Variants in FAF1 observed in about 807,000 individuals in gnomAD.
The protein encoded by FAF1 is Fas associated factor 1.
FAF1 carries 25 observed loss-of-function variants against 92.5 expected under a neutral mutation model. The observed-to-expected ratio is 0.27, with a 90% CI of 0.20 to 0.38. The LOEUF is 0.38. Ranked by LOEUF, FAF1 falls within the 10% of genes least tolerant of loss-of-function variation. The probability of loss-of-function intolerance (pLI) is 1.00; values close to 1 mark genes in which losing one functional copy is unlikely to be tolerated. For synonymous variants in FAF1, 234 were observed against 273.2 expected, an observed-to-expected ratio of 0.86 and a Z score of 1.42; for missense variants, 636 against 793.3, an observed-to-expected ratio of 0.80 and a Z score of 2.38.
chr1:50,446,771 A>G (rs2148976103), intron 18 of FAF1, among the ~76,000 whole-genome samples: 1 of 152,288 alleles, frequency 6.6e-6, no homozygotes, highest in East Asian at 1.9e-4. Context: ...TCACTTTTAG[A>G]AAAAATGCTA....
intron 1 of FAF1, among the ~76,000 whole-genome samples, chr1:50,908,962 C>A (rs553169519): frequency 6.6e-6 from 1 of 152,280 alleles, no homozygotes; most frequent in Admixed American, 6.5e-5. Context: ...GCAGTTTCTT[C>A]CTAGCATCGA....
chr1:50,442,845 A>G (rs981857659), intron 18 of FAF1, among the ~76,000 whole-genome samples: 1 of 152,198 alleles, frequency 6.6e-6, no homozygotes, highest in East Asian at 1.9e-4. Context: ...GGGTCTTTAA[A>G]AAGACACATC....
chr1:50,952,250 GGC>G (rs1196053224), intron 1 of FAF1, among the ~76,000 whole-genome samples: 9 of 152,206 alleles, frequency 5.9e-5, no homozygotes, highest in Non-Finnish European at 1.2e-4. Context: ...TGGGATTGCA[GGC>G]GCGCGCCGCC....
At chr1:50,699,342 T>A (rs1657369044) in intron 7 of FAF1, among the ~76,000 whole-genome samples, 1 of 152,076 alleles carries the variant, frequency 6.6e-6, no homozygotes, top group African/African-American at 2.4e-5. Flanking sequence ...TTGTACAAAC[T>A]GGACAGGTTT....
At chr1:50,762,922 A>T (rs1660388423) in intron 4 of FAF1, among the ~76,000 whole-genome samples, 1 of 152,156 alleles carries the variant, frequency 6.6e-6, no homozygotes, top group African/African-American at 2.4e-5. Context: ...ATGGGAGAAA[A>T]TTTTCACAAC....
chr1:50,488,721 T>G (rs577546945), intron 17 of FAF1, among the ~76,000 whole-genome samples: 2 of 152,352 alleles, frequency 1.3e-5, no homozygotes, highest in South Asian at 4.1e-4. Context: ...GCTGTTCTCA[T>G]TTTTGTATGT....
chr1:50,617,362 G>A (rs1050245976), intron 8 of FAF1, among the ~76,000 whole-genome samples: 7 of 152,176 alleles, frequency 4.6e-5, no homozygotes, highest in Non-Finnish European at 1.0e-4. Flanking sequence ...AAGAAGTGAT[G>A]TTCAGATTTT....
At chr1:50,500,331 A>G (rs1646968992) in intron 15 of FAF1, among the ~76,000 whole-genome samples, 1 of 152,218 alleles carries the variant, frequency 6.6e-6, no homozygotes, top group Admixed American at 6.5e-5. Flanking sequence ...AAATGGAAAA[A>G]AAATAAAGTC....
chr1:50,530,509 G>C (rs1293306551), intron 15 of FAF1, among the ~76,000 whole-genome samples: 1 of 151,304 alleles, frequency 6.6e-6, no homozygotes, highest in Non-Finnish European at 1.5e-5. Flanking sequence ...GTGGTGGGGG[G>C]AGGTGGGGAT....
Position 50,755,530 on chromosome 1 carries a change from G to A in FAF1, c.368-10755C>T, listed in dbSNP as rs572048757. Among the ~76,000 whole-genome samples, 352 of 152,286 alleles carry A rather than the reference G, an allele frequency of 2.3e-3. 2 individuals are homozygous for A. The highest frequency in any genetic ancestry group is 7.7e-3 in the African/African-American group (320 of 41,574). On this transcript the variant is annotated intron_variant, in intron 4 of 18. Coordinates refer to ENST00000396153, the MANE Select transcript of FAF1 (RefSeq NM_007051.3). Reference sequence around the variant, plus strand: ...TCCAGGTTCACGGTGCAAGCTGTCCGTGGATCTACCATTCTGGGGTCTGGA... The same window carrying A: ...TCCAGGTTCACGGTGCAAGCTGTCCATGGATCTACCATTCTGGGGTCTGGA...
chr1:50,888,284 G>T (rs12093266), intron 1 of FAF1, among the ~76,000 whole-genome samples: 1 of 152,132 alleles, frequency 6.6e-6, no homozygotes, highest in Non-Finnish European at 1.5e-5. Context: ...GGGCTGAGAC[G>T]ATGGGGTTTT....
intron 7 of FAF1, among the ~76,000 whole-genome samples, chr1:50,702,123 A>G (rs1329626009): frequency 6.6e-6 from 1 of 152,106 alleles, no homozygotes; most frequent in Non-Finnish European, 1.5e-5. Flanking sequence ...AGTAAGGCCG[A>G]TAACAAAGAA....
chr1:50,746,276 ATATATATATATATATATTTTTTTTTTTT>A (rs1485176441), intron 4 of FAF1, among the ~76,000 whole-genome samples: 1 of 20,480 alleles, frequency 4.9e-5, no homozygotes. Context: ...ATATATATAT[ATATATATATATATATATTTTTTTTTTTT>A]TTTTTTTTTT....
chr1:50,891,242 A>C (rs1221240166), intron 1 of FAF1, among the ~76,000 whole-genome samples: 1 of 152,000 alleles, frequency 6.6e-6, no homozygotes, highest in African/African-American at 2.4e-5. Flanking sequence ...TACATTGGTT[A>C]TTCTAGTTAG....
At position 50,632,855 on chromosome 1, in the gene FAF1, ACCT is replaced by A. The variant is rs1399105003; in HGVS notation, c.744+22584_744+22586del. 2.0e-5 allele frequency among the ~76,000 whole-genome samples: 3 copies of A among 151,846 alleles called. No homozygotes were observed. In the East Asian group the frequency reaches 5.8e-4, roughly 29 times the overall value. On this transcript the variant is annotated intron_variant, in intron 8 of 18. Transcript: ENST00000396153. ...TAGGTGAAAGTATTGGCTTCTTATG[ACCT>A]CCTCTATGATCTTTCCAGGTAAAAT...
At chr1:50,926,366 T>C (rs1019562828) in intron 1 of FAF1, among the ~76,000 whole-genome samples, 1 of 152,116 alleles carries the variant, frequency 6.6e-6, no homozygotes, top group Non-Finnish European at 1.5e-5. Flanking sequence ...ATGTAGGAGC[T>C]AAAAAGAATT....
intron 7 of FAF1, among the ~76,000 whole-genome samples, chr1:50,657,753 C>T (rs748596056): frequency 2.6e-5 from 4 of 152,190 alleles, no homozygotes; most frequent in East Asian, 1.9e-4. Context: ...TAGTTCACTA[C>T]GGAAAGGAGA....
chr1:50,781,707 T>A (rs957233646), intron 4 of FAF1, among the ~76,000 whole-genome samples: 2 of 152,156 alleles, frequency 1.3e-5, no homozygotes, highest in African/African-American at 4.8e-5. Flanking sequence ...GAATACACAC[T>A]CTTCTCAAGT....
At chr1:50,816,127 T>G (rs1643970778) in intron 2 of FAF1, among the ~76,000 whole-genome samples, 3 of 151,982 alleles carry the variant, frequency 2.0e-5, no homozygotes. Context: ...GATTTTTTTT[T>G]CATGTTGTTG....
Sources: allele counts gnomAD v4.1 joint callset (sites outside exome capture counted in the v4.1 genomes callset), GRCh38; gene constraint gnomAD v4.1.1; transcripts MANE v1.5; gene names NCBI Gene and HGNC (gene_info 2026-07-23, HGNC 2026-07-21).